The following DGKG variants were observed in gnomAD, a reference collection of about 807,000 sequenced individuals.
DGKG encodes diacylglycerol kinase gamma, also known as DAG kinase gamma.
DGKG carries 78 observed loss-of-function variants against 105.3 expected under a neutral mutation model. The observed-to-expected ratio is 0.74, with a 90% CI of 0.62 to 0.89. The LOEUF is 0.89. Ranked by LOEUF, DGKG falls within the 40% of genes least tolerant of loss-of-function variation. The probability of loss-of-function intolerance (pLI) is 0.00; values close to 1 mark genes in which losing one functional copy is unlikely to be tolerated. For missense variants in DGKG, 958 were observed against 1,020.1 expected (o/e 0.94, Z 0.83); for synonymous variants, 346 against 367.1 (o/e 0.94, Z 0.66).
intron 20 of DGKG, among the ~76,000 whole-genome samples, chr3:186,239,890 C>T (rs528827282): frequency 5.2e-4 from 78 of 150,260 alleles, no homozygotes; most frequent in Non-Finnish European, 6.9e-4. Flanking sequence ...TTAAAATGCA[C>T]GCTACAATCT....
intron 21 of DGKG, among the ~76,000 whole-genome samples, chr3:186,197,755 T>C (rs1432275274): frequency 2.6e-5 from 4 of 152,154 alleles, no homozygotes; most frequent in Non-Finnish European, 4.4e-5. Flanking sequence ...GAATTCTGCA[T>C]AGAGGCCACA....
intron 1 of DGKG, among the ~76,000 whole-genome samples, chr3:186,322,077 C>A (rs1256112636): frequency 6.6e-6 from 1 of 152,194 alleles, no homozygotes; most frequent in African/African-American, 2.4e-5. Context: ...TAGAGACTCT[C>A]TTATGTTTCT....
intron 17 of DGKG, 80 bp from the exon 18 acceptor site, chr3:186,253,262 G>T: frequency 8.6e-7 from 1 of 1,165,778 alleles, no homozygotes; most frequent in African/African-American, 1.5e-5. Flanking sequence ...TCCCTGATCT[G>T]ATGCTTGAAC....
chr3:186,180,394 G>T (rs1410197660), intron 22 of DGKG, among the ~76,000 whole-genome samples: 1 of 152,142 alleles, frequency 6.6e-6, no homozygotes, highest in Non-Finnish European at 1.5e-5. Context: ...GGAATGACAT[G>T]TATGTTGCCA....
At chr3:186,312,894 G>A (rs1166960847) in intron 2 of DGKG, among the ~76,000 whole-genome samples, 5 of 152,214 alleles carry the variant, frequency 3.3e-5, no homozygotes, top group South Asian at 2.1e-4. Flanking sequence ...TCATAAGCAC[G>A]GATGTACTTG....
At chr3:186,264,527 C>T (rs538259987) in intron 14 of DGKG, among the ~76,000 whole-genome samples, 18 of 152,214 alleles carry the variant, frequency 1.2e-4, no homozygotes, top group Non-Finnish European at 2.2e-4. Flanking sequence ...GCATCCCAAA[C>T]TGCTGCGATG....
chr3:186,267,833 A>C, intron 12 of DGKG, 56 bp from the exon 13 acceptor site: 2 of 1,532,552 alleles, frequency 1.3e-6, no homozygotes, highest in East Asian at 2.3e-5. Flanking sequence ...AACATCAAAC[A>C]TGAAGGTGGA....
intron 1 of DGKG, among the ~76,000 whole-genome samples, chr3:186,334,999 A>T (rs1310198921): frequency 6.6e-6 from 1 of 152,234 alleles, no homozygotes; most frequent in Non-Finnish European, 1.5e-5. Flanking sequence ...CCACAGCTTG[A>T]TGGGGTTTGG....
chr3:186,223,919 A>T (rs145709175), intron 20 of DGKG, among the ~76,000 whole-genome samples: 112 of 152,198 alleles, frequency 7.4e-4, no homozygotes, highest in African/African-American at 2.6e-3. Flanking sequence ...TCCCCTAAGG[A>T]ATACGAATCA....
intron 1 of DGKG, among the ~76,000 whole-genome samples, chr3:186,353,667 T>TATCTATATC (rs1252915049): frequency 7.3e-6 from 1 of 136,792 alleles, no homozygotes; most frequent in East Asian, 2.0e-4. Context: ...TCTATATCTA[T>TATCTATATC]ATCTATATCT....
Position 186,148,862 on chromosome 3 carries a change from G to T in DGKG, c.*1228C>A, listed in dbSNP as rs773425963. On this transcript the variant is annotated 3_prime_UTR_variant, in exon 25 of 25. Coordinates refer to ENST00000265022, the MANE Select transcript of DGKG (RefSeq NM_001346.3). ...CGTCCTGACAATGAAACGGTGGAGT[G>T]GGGGAGTGAGAACCTTCTTTTTCCT... 3 of 984,408 alleles carry T rather than the reference G, an allele frequency of 3.0e-6. No individual in the cohort carries two copies. The highest frequency in any genetic ancestry group is 3.6e-6 in the Non-Finnish European group (3 of 829,490). 61.0% of individuals were successfully genotyped at this position (984,408 alleles called of 1,614,324 possible). A position where few individuals can be genotyped will look rare whatever the true frequency, so the allele number is the denominator to read the frequency against.
At chr3:186,161,152 CA>C in intron 24 of DGKG, 1 of 988,592 alleles carries the variant, frequency 1.0e-6, no homozygotes, top group Non-Finnish European at 1.2e-6. Context: ...CTCCAGCAGT[CA>C]AAGGCGCTAC....
At chr3:186,213,594 T>C (rs999747715) in intron 20 of DGKG, among the ~76,000 whole-genome samples, 7 of 152,218 alleles carry the variant, frequency 4.6e-5, no homozygotes, top group Admixed American at 4.6e-4. Flanking sequence ...CAGGGGATAC[T>C]GTGAGTCATG....
At chr3:186,218,987 T>A (rs965373423) in intron 20 of DGKG, among the ~76,000 whole-genome samples, 1 of 151,954 alleles carries the variant, frequency 6.6e-6, no homozygotes, top group South Asian at 2.1e-4. Flanking sequence ...AAATCAGGTA[T>A]AACAGAAATG....
At position 186,265,296 on chromosome 3, in the gene DGKG, C is replaced by G. The variant is rs1721992721; in HGVS notation, c.1220G>C (p.Gly407Ala). ...SICPITRDRP[G>A]EKSDGCVSAK... ...GGACACGCAGCCATCAGACTTCTCA[C>G]CTGGCCTGTCCTGTGACAAGAAAGG... is the stretch of plus-strand genomic sequence containing the variant. Residue 407 changes from glycine (G) to alanine (A), a missense_variant, in exon 14 of 25, where the codon GGT becomes GCT. Gly to Ala is a moderately conservative substitution (Grantham distance 60). Around this residue, in one of 2 missense-constraint regions of DGKG, gnomAD observed 643 missense variants for 619.5 expected, o/e 1.04. Transcript: ENST00000265022. 6.2e-7 allele frequency: 1 copy of G among 1,614,236 alleles called. No individual in the cohort carries two copies. Among genetic ancestry groups the G allele is most frequent in the African/African-American group, 1.3e-5 (1 of 75,072 alleles).
chr3:186,359,552 CA>C (rs767631124), intron 1 of DGKG, among the ~76,000 whole-genome samples: 2 of 152,046 alleles, frequency 1.3e-5, no homozygotes, highest in East Asian at 3.9e-4. Flanking sequence ...GTAACTTGGG[CA>C]AGTCACCTGA....
chr3:186,284,648 G>T lies in DGKG; in HGVS notation c.594+12C>A. On this transcript the variant is annotated intron_variant, in intron 7 of 24. Transcript: ENST00000265022. This position sits in a 1 kb window ranked among gnomAD's most constrained non-coding sequence, Gnocchi z 4.0. Reference sequence around the variant, plus strand: ...CTCAGGTCCATGAGGGATATTTAGAGTGAGAACTTACCGCTTGGTCCAGGA... The same window carrying T: ...CTCAGGTCCATGAGGGATATTTAGATTGAGAACTTACCGCTTGGTCCAGGA... 6.2e-7 allele frequency: 1 copy of T among 1,611,420 alleles called. No homozygotes were observed. The highest frequency in any genetic ancestry group is 8.5e-7 in the Non-Finnish European group (1 of 1,177,546).
At chr3:186,257,571 C>G (rs1306798572) in intron 17 of DGKG, among the ~76,000 whole-genome samples, 1 of 152,158 alleles carries the variant, frequency 6.6e-6, no homozygotes, top group Non-Finnish European at 1.5e-5. Context: ...CCAAATCTGG[C>G]CTGTCCTGCC....
chr3:186,322,167 A>G (rs536588581), intron 1 of DGKG, among the ~76,000 whole-genome samples: 2 of 152,326 alleles, frequency 1.3e-5, no homozygotes, highest in South Asian at 2.1e-4. Context: ...AAAGATATAG[A>G]ATCAGCCTAA....
Sources: allele counts gnomAD v4.1 joint callset (sites outside exome capture counted in the v4.1 genomes callset), GRCh38; gene constraint gnomAD v4.1.1; regional missense constraint gnomAD v4.1.1; non-coding constraint Gnocchi (gnomAD v3.1); transcripts MANE v1.5; gene names NCBI Gene and HGNC (gene_info 2026-07-23, HGNC 2026-07-21).